EPHA10: variants seen among roughly 807,000 people sequenced by gnomAD.
EPHA10 encodes the protein EPH receptor A10.
EPHA10 carries 120 observed loss-of-function variants against 109.7 expected under a neutral mutation model. That is an observed-to-expected ratio of 1.09 (90% CI 0.94 to 1.27). EPHA10 has a LOEUF of 1.27. Ranked by LOEUF, EPHA10 falls within the 50% of genes most tolerant of loss-of-function variation. The pLI, the probability that EPHA10 is intolerant of heterozygous loss-of-function variation, is 0.00. For missense variants in EPHA10, 1,396 were observed against 1,411.1 expected (o/e 0.99, Z 0.17); for synonymous variants, 640 against 618.9 (o/e 1.03, Z -0.51).
rs550939997 is a variant in EPHA10 at position 37,754,064 on chromosome 1, C to A, written c.1006+151G>T. 5 of 898,298 alleles carry A rather than the reference C, an allele frequency of 5.6e-6. No homozygotes were observed. The highest frequency in any genetic ancestry group is 8.6e-5 in the Admixed American group (2 of 23,302). 55.6% of individuals were successfully genotyped at this position (898,298 alleles called of 1,614,324 possible). A position where few individuals can be genotyped will look rare whatever the true frequency, so the allele number is the denominator to read the frequency against. On this transcript the variant is annotated intron_variant, in intron 4 of 16. Coordinates refer to ENST00000373048, the MANE Select transcript of EPHA10 (RefSeq NM_001099439.2). The surrounding 1 kb of genome is among the most constrained non-coding windows in gnomAD (Gnocchi z 4.5). ...AGGGCGCGTCCAGGCTCCGCTCCCC[C>A]GTACGCCGCCTTCCGGGGCGCTGGC...
Position 37,735,316 on chromosome 1 carries a change from T to A in EPHA10, c.1432A>T (p.Ile478Phe). 2.6e-6 allele frequency: 4 copies of A among 1,559,322 alleles called. No homozygotes were observed. The highest frequency in any genetic ancestry group is 3.5e-6 in the Non-Finnish European group (4 of 1,151,488). Reference sequence around the variant, plus strand: ...TTGGCCCCAGGGGCTCCGGCAGGGATGGGCTCCCGCCACGACAGGGACACG... The same window carrying A: ...TTGGCCCCAGGGGCTCCGGCAGGGAAGGGCTCCCGCCACGACAGGGACACG... ...QSVSLSWREP[I>F]PAGAPGANDT... is the part of the protein sequence containing the mutation. Residue 478 changes from isoleucine (I) to phenylalanine (F), a missense_variant, in exon 6 of 17, where the codon ATC becomes TTC. By Grantham distance (21) the Ile-to-Phe change is conservative. Transcript: ENST00000373048.
Position 37,717,764 on chromosome 1 carries a change from T to C in EPHA10, c.*608A>G. On this transcript the variant is annotated 3_prime_UTR_variant, in exon 17 of 17. Coordinates refer to ENST00000373048, the MANE Select transcript of EPHA10 (RefSeq NM_001099439.2). ...AAACCAGATCCTGAGTCTAGGGCTC[T>C]TGGGTATCAGCCCCTGAGCTCAGCA... The C allele has an allele frequency of 4.3e-6, 1 of 231,544 alleles. No individual in the cohort carries two copies. The highest frequency in any genetic ancestry group is 6.2e-5 in the East Asian group (1 of 16,244). 14.3% of individuals were successfully genotyped at this position (231,544 alleles called of 1,614,324 possible).
At chr1:37,730,573 G>A (rs752675284) in intron 7 of EPHA10, among the ~76,000 whole-genome samples, 14 of 152,168 alleles carry the variant, frequency 9.2e-5, no homozygotes, top group African/African-American at 1.7e-4. Context: ...ACAATATTGC[G>A]GAGAAGCCGG....
At chr1:37,757,596 G>A (rs945638281) in intron 3 of EPHA10, among the ~76,000 whole-genome samples, 2 of 152,096 alleles carry the variant, frequency 1.3e-5, no homozygotes, top group African/African-American at 4.8e-5. Flanking sequence ...CACTCCCCAA[G>A]GCAGAGCTGA....
intron 6 of EPHA10, among the ~76,000 whole-genome samples, chr1:37,734,059 C>T (rs777818693): frequency 2.0e-5 from 3 of 152,220 alleles, no homozygotes; most frequent in Non-Finnish European, 4.4e-5. Context: ...ATCCCCAACA[C>T]TCACAGGTCT....
chr1:37,761,036 A>G, intron 3 of EPHA10: 1 of 604,632 alleles, frequency 1.7e-6, no homozygotes, highest in Non-Finnish European at 2.2e-6. Flanking sequence ...GTTAGCCAAG[A>G]TCAAGCCAGT....
intron 3 of EPHA10, among the ~76,000 whole-genome samples, chr1:37,759,348 A>G (rs1646413664): frequency 6.6e-6 from 1 of 152,074 alleles, no homozygotes; most frequent in African/African-American, 2.4e-5. Context: ...AGGCCCAGCC[A>G]TGCTATGTTC....
rs1447962356 is a variant in EPHA10, at chr1:37,717,629, C to T, written c.*743G>A. On this transcript the variant is annotated 3_prime_UTR_variant, in exon 17 of 17. Coordinates refer to ENST00000373048, the MANE Select transcript of EPHA10 (RefSeq NM_001099439.2). ...GGCCACTAAGTTCATAAAAGGAATGCACACGAGGGCCTCATGGGGCCCCAG... is the reference window on the plus strand; with the variant it reads ...GGCCACTAAGTTCATAAAAGGAATGTACACGAGGGCCTCATGGGGCCCCAG... 5 of 231,340 alleles carry T rather than the reference C, an allele frequency of 2.2e-5. No individual in the cohort carries two copies. The highest frequency in any genetic ancestry group is 8.9e-5 in the African/African-American group (4 of 45,196). The allele number at this position is 231,340 out of a possible 1,614,324, so 14.3% of individuals were successfully genotyped here. A position where few individuals can be genotyped will look rare whatever the true frequency, so the allele number is the denominator to read the frequency against.
intron 15 of EPHA10, chr1:37,719,131 T>C (rs1018513066): frequency 3.7e-5 from 22 of 591,728 alleles, no homozygotes; most frequent in Admixed American, 3.0e-4. Context: ...ATTTGATTCA[T>C]TGGAACTACA....
At chr1:37,759,167 G>C (rs1326784156) in intron 3 of EPHA10, among the ~76,000 whole-genome samples, 2 of 152,050 alleles carry the variant, frequency 1.3e-5, no homozygotes, top group East Asian at 3.9e-4. Context: ...ATACAAATCT[G>C]AGCATGTCAG....
chr1:37,715,801 G>A (rs1171768573), downstream of EPHA10: 12 of 462,112 alleles, frequency 2.6e-5, 1 homozygote, highest in Non-Finnish European at 3.8e-5. Context: ...GGGTCACACC[G>A]TCCTGCCATG....
chr1:37,740,961 A>C (rs140495516), intron 5 of EPHA10, among the ~76,000 whole-genome samples: 13 of 152,196 alleles, frequency 8.5e-5, no homozygotes, highest in African/African-American at 3.1e-4. Flanking sequence ...AGGCAAAGGA[A>C]GAGAAGCTTG....
intron 5 of EPHA10, among the ~76,000 whole-genome samples, chr1:37,744,498 T>TAA (rs60498683): frequency 7.3e-6 from 1 of 136,928 alleles, no homozygotes. Context: ...CCAGCCCATC[T>TAA]AAAAAAAAAA....
intron 3 of EPHA10, chr1:37,760,568 C>T (rs530400742): frequency 3.1e-5 from 15 of 482,324 alleles, no homozygotes; most frequent in Non-Finnish European, 4.3e-5. Flanking sequence ...GTATTTGGTC[C>T]GTGACTGGGA....
chr1:37,720,581 G>A (rs948212782), intron 12 of EPHA10, 27 bp from the exon 13 acceptor site: 2 of 1,592,702 alleles, frequency 1.3e-6, no homozygotes, highest in East Asian at 2.3e-5. Flanking sequence ...CTGAGGCCAG[G>A]GCTGTGCGCT....
chr1:37,758,608 A>C (rs1340183755), intron 3 of EPHA10, among the ~76,000 whole-genome samples: 2 of 152,046 alleles, frequency 1.3e-5, no homozygotes, highest in Non-Finnish European at 2.9e-5. Flanking sequence ...ACACTCTCCT[A>C]GTTCTCCTCC....
intron 5 of EPHA10, among the ~76,000 whole-genome samples, chr1:37,743,500 A>G (rs1646185942): frequency 6.6e-6 from 1 of 152,258 alleles, no homozygotes; most frequent in Admixed American, 6.5e-5. Context: ...AAAATCACAA[A>G]CAGAATGCAA....
Position 37,723,070 on chromosome 1 carries a change from C to T in EPHA10, c.1931G>A (p.Ser644Asn), listed in dbSNP as rs764781255. Residue 644 changes from serine (S) to asparagine (N), a missense_variant, in exon 10 of 17, where the codon AGC becomes AAC. Transcript: ENST00000373048. ...HLFAKELDAK[S>N]VTLERSLGGG... ...TCCAAGGCTCCTCTCCAGCGTGACG[C>T]TTTTCGCATCCAGTTCCTTGGCGAA... The T allele has an allele frequency of 6.8e-5, 109 of 1,614,108 alleles. No homozygotes were observed. The highest frequency in any genetic ancestry group is 3.3e-4 in the Middle Eastern group (2 of 6,084).
At chr1:37,745,111 G>A (rs1646210712) in intron 5 of EPHA10, among the ~76,000 whole-genome samples, 1 of 152,186 alleles carries the variant, frequency 6.6e-6, no homozygotes, top group African/African-American at 2.4e-5. Flanking sequence ...GAGGCAGCGT[G>A]GCTCTGACGA....
Sources: allele counts gnomAD v4.1 joint callset (sites outside exome capture counted in the v4.1 genomes callset), GRCh38; gene constraint gnomAD v4.1.1; non-coding constraint Gnocchi (gnomAD v3.1); transcripts MANE v1.5; gene names NCBI Gene and HGNC (gene_info 2026-07-23, HGNC 2026-07-21).